ABCA9: variants seen among roughly 807,000 people sequenced by gnomAD.
ABCA9 encodes ATP-binding cassette sub-family A member 9.
A neutral mutation model predicts 205.3 loss-of-function variants in ABCA9; 183 were observed. The observed-to-expected ratio is 0.89, with a 90% confidence interval of 0.79 to 1.01. The LOEUF (loss-of-function observed/expected upper bound fraction) is 1.01, where lower values mean the gene tolerates loss of function less well. Among genes scored for constraint, ABCA9 ranks in the 50% least tolerant of loss-of-function variants. The probability of loss-of-function intolerance (pLI) is 0.00; values close to 1 mark genes in which losing one functional copy is unlikely to be tolerated. For missense variants in ABCA9, 1,805 were observed against 1,912.4 expected (o/e 0.94, Z 1.05); for synonymous variants, 651 against 683.3 (o/e 0.95, Z 0.74).
rs767283179 is a variant in ABCA9 at position 69,021,868 on chromosome 17, G to A, written c.2282-7C>T. Reference sequence around the variant, plus strand: ...TCAAGATCCCTGTAAAGTTCTAAAAGTGGATACAAAAACAGATTATAAGAA... The same window carrying A: ...TCAAGATCCCTGTAAAGTTCTAAAAATGGATACAAAAACAGATTATAAGAA... On this transcript the variant is annotated splice_region_variant and splice_polypyrimidine_tract_variant and intron_variant, in intron 17 of 38. Coordinates refer to ENST00000340001, the MANE Select transcript of ABCA9 (RefSeq NM_080283.4). The A allele has an allele frequency of 4.9e-5, 70 of 1,442,712 alleles. No homozygotes were observed. The highest frequency in any genetic ancestry group is 6.3e-5 in the Non-Finnish European group (67 of 1,065,960). The allele number at this position is 1,442,712 out of a possible 1,614,324, so 89.4% of individuals were successfully genotyped here. A position where few individuals can be genotyped will look rare whatever the true frequency, so the allele number is the denominator to read the frequency against.
In ABCA9 at chr17:69,045,260, T is replaced by A. The variant is rs201775674; in HGVS notation, c.381A>T (p.Arg127Ser). 1 of 1,613,234 alleles carries A rather than the reference T, an allele frequency of 6.2e-7. No homozygotes were observed. Among genetic ancestry groups the A allele is most frequent in the East Asian group, 2.2e-5 (1 of 44,812 alleles). ...LDLNYSIDAVRVIFTDTFSYH... is the reference protein window; with the variant it reads ...LDLNYSIDAVSVIFTDTFSYH... ...AGGAGAAGGTATCAGTAAAGATGACTCTCACTGCGTCTATTGAATAGTTCA... is the reference window on the plus strand; with the variant it reads ...AGGAGAAGGTATCAGTAAAGATGACACTCACTGCGTCTATTGAATAGTTCA... Residue 127 changes from arginine to serine, a missense_variant, in exon 4 of 39, where the codon AGA becomes AGT. Transcript: ENST00000340001.
rs1352763769 is a variant in ABCA9 at position 69,051,027 on chromosome 17, A to G, written c.96+4T>C. 6 of 1,613,324 alleles carry G rather than the reference A, an allele frequency of 3.7e-6. No homozygotes were observed. Among genetic ancestry groups the G allele is most frequent in the Non-Finnish European group, 5.1e-6 (6 of 1,179,558 alleles). ...TATGAGAACACATAGACTCTGAAGC[A>G]TACCAACAAGGTCTGTCTTTTCATT... is the stretch of plus-strand genomic sequence containing the variant. On this transcript the variant is annotated splice_donor_region_variant and intron_variant, in intron 2 of 38. Transcript: ENST00000340001.
At chr17:69,070,909 G>A in the ABCA9 span, among the ~76,000 whole-genome samples, 1 of 152,134 alleles carries the variant, frequency 6.6e-6, no homozygotes, top group African/African-American at 2.4e-5. Flanking sequence ...GTGACGGGAG[G>A]GGTGTCTGCC....
intron 28 of ABCA9, 129 bp from the exon 29 acceptor site, chr17:68,991,086 C>T (rs554843951): frequency 8.1e-6 from 8 of 989,592 alleles, no homozygotes; most frequent in Admixed American, 2.9e-5. Context: ...CTCTATTCTT[C>T]TACTTGCACC....
Position 69,020,478 on chromosome 17 carries a change from C to T in ABCA9, c.2510G>A (p.Ser837Asn). ...CTGCTGCCTCCAGAGCGCCACGCCACTGATTGTTTTCCTTGTTTCGTGGAA... is the reference window on the plus strand; with the variant it reads ...CTGCTGCCTCCAGAGCGCCACGCCATTGATTGTTTTCCTTGTTTCGTGGAA... The part of the protein sequence containing the change: ...SSFHETRKTI[S>N]GVALWRQQVC... The change falls in exon 19 of 39, where the codon AGT becomes AAT. Residue 837 changes from serine to asparagine, a missense_variant. Transcript: ENST00000340001. The T allele has an allele frequency of 6.2e-7, 1 of 1,614,102 alleles. No individual in the cohort carries two copies. Among genetic ancestry groups the T allele is most frequent in the South Asian group, 1.1e-5 (1 of 91,080 alleles).
chr17:69,051,892 C>A (rs1345875746), intron 1 of ABCA9: 1 of 152,044 alleles, frequency 6.6e-6, no homozygotes, highest in Non-Finnish European at 1.5e-5. Flanking sequence ...ATCCCTAATA[C>A]AATAAAAAGG....
chr17:69,012,091 C>A lies in ABCA9; in HGVS notation c.3040-8G>T. The A allele has an allele frequency of 1.3e-6, 2 of 1,587,976 alleles. No homozygotes were observed. The highest frequency in any genetic ancestry group is 1.7e-6 in the Non-Finnish European group (2 of 1,160,784). ...CTCATAATCCATATGCTCCTGAAAT[C>A]ATGTGGAACATGGTGAGCTGATGGC... On this transcript the variant is annotated splice_region_variant and splice_polypyrimidine_tract_variant and intron_variant, in intron 22 of 38. Transcript: ENST00000340001.
intron 8 of ABCA9, 51 bp from the exon 9 acceptor site, chr17:69,033,924 A>G (rs1567960768): frequency 7.1e-7 from 1 of 1,401,022 alleles, no homozygotes; most frequent in East Asian, 2.3e-5. Context: ...TGGCATTAAG[A>G]ATTATTATTG....
rs749298586 is a variant in ABCA9, at chr17:69,043,495, G to A, written c.794C>T (p.Ala265Val). The A allele has an allele frequency of 2.8e-5, 45 of 1,581,616 alleles. No homozygotes were observed. The highest frequency in any genetic ancestry group is 3.7e-5 in the Non-Finnish European group (43 of 1,163,154). ...TTGGAGTCATATGATTTACCAGAAT[G>A]CTGACTCTCGGAGTCCCATCATTGT... ...LMTMMGLRES[A>V]FWLSWGLMYA... The change falls in exon 6 of 39, where the codon GCA (alanine) becomes GTA (valine). Residue 265 changes from alanine (A) to valine (V), a missense_variant. Ala to Val is a moderately conservative substitution (Grantham distance 64, BLOSUM62 0). Transcript: ENST00000340001.
Position 69,027,463 on chromosome 17 carries a change from G to C in ABCA9, c.1792-14C>G. The C allele has an allele frequency of 8.8e-6, 14 of 1,597,352 alleles. No homozygotes were observed. Among genetic ancestry groups the C allele is most frequent in the Non-Finnish European group, 1.1e-5 (13 of 1,174,522 alleles). ...AACTCGTTGTACCTAATCAAATAAA[G>C]AATATTTAGTCCAAAACCCAGAAAG... is the stretch of plus-strand genomic sequence containing the variant. On this transcript the variant is annotated splice_polypyrimidine_tract_variant and intron_variant, in intron 13 of 38. Coordinates refer to ENST00000340001, the MANE Select transcript of ABCA9 (RefSeq NM_080283.4).
At position 68,975,304 on chromosome 17, in the gene ABCA9, C is replaced by A. The variant is rs1192992729; in HGVS notation, c.*611G>T. The A allele has an allele frequency of 6.6e-6, 1 of 152,330 alleles. No individual in the cohort carries two copies. Among genetic ancestry groups the A allele is most frequent in the Non-Finnish European group, 1.5e-5 (1 of 68,242 alleles). 9.4% of individuals were successfully genotyped at this position (152,330 alleles called of 1,614,324 possible). ...GTCTTTGCTATTGTAAACAGTGCTGCAATAAACATACGTGTGCATGTGTCT... is the reference window on the plus strand; with the variant it reads ...GTCTTTGCTATTGTAAACAGTGCTGAAATAAACATACGTGTGCATGTGTCT... On this transcript the variant is annotated 3_prime_UTR_variant, in exon 39 of 39. Transcript: ENST00000340001.
chr17:69,009,509 C>T (rs1053246734), intron 23 of ABCA9, among the ~76,000 whole-genome samples: 2 of 152,154 alleles, frequency 1.3e-5, no homozygotes, highest in Non-Finnish European at 2.9e-5. Flanking sequence ...GTAAGATACA[C>T]CTGGGCCCAG....
At chr17:69,014,354 C>T (rs967912948) in intron 22 of ABCA9, among the ~76,000 whole-genome samples, 3 of 152,120 alleles carry the variant, frequency 2.0e-5, no homozygotes, top group African/African-American at 7.2e-5. Flanking sequence ...AAAAGGTGCA[C>T]ATGAAACAAA....
At chr17:69,001,453 CCCAG>C (rs1188279081) in intron 25 of ABCA9, among the ~76,000 whole-genome samples, 7 of 147,430 alleles carry the variant, frequency 4.7e-5, no homozygotes, top group African/African-American at 1.7e-4. Flanking sequence ...AGCCTTGCAT[CCCAG>C]GGATGAAGCC....
rs570358442 is a variant in ABCA9 at position 69,005,505 on chromosome 17, AC to A, written c.3435+2253del. On this transcript the variant is annotated intron_variant, in intron 25 of 38. Transcript: ENST00000340001. ...GATGTTAACTCAGTCACTCATGTAT[AC>A]CTTTTTAGAGCCAATTATTAGCATT... 1.7e-3 allele frequency among the ~76,000 whole-genome samples: 255 copies of A among 152,204 alleles called. 2 individuals carry two copies. The highest frequency in any genetic ancestry group is 5.9e-3 in the African/African-American group (243 of 41,532).
chr17:69,015,218 T>C (rs931571992), intron 22 of ABCA9, among the ~76,000 whole-genome samples: 2 of 152,164 alleles, frequency 1.3e-5, no homozygotes, highest in African/African-American at 2.4e-5. Flanking sequence ...ACCCACCCTC[T>C]TCCATGCCCC....
rs761238988 is a variant in ABCA9, at chr17:69,033,856, A to G, written c.1146T>C (p.Tyr382=). ...CCAAGTGGGCATTAGAATTCACATC[A>G]TAGTCCAAATGTATAAGCTGAAAAA... ...VGMAQLIHLD[Y]DVNSNAHLDS... Residue 382 remains tyrosine (Y), a synonymous_variant, in exon 9 of 39, where the codon TAT becomes TAC. Coordinates refer to ENST00000340001, the MANE Select transcript of ABCA9 (RefSeq NM_080283.4). The G allele has an allele frequency of 2.5e-6, 4 of 1,601,794 alleles. No homozygotes were observed. The African/African-American group carries it at 4.0e-5, about 16-fold the overall frequency.
At chr17:68,991,297 C>T (rs2069448715) in intron 28 of ABCA9, among the ~76,000 whole-genome samples, 1 of 152,160 alleles carries the variant, frequency 6.6e-6, no homozygotes, top group South Asian at 2.1e-4. Context: ...ATAGTTTTGA[C>T]AACAGATATT....
chr17:68,998,508 G>A (rs73367905), intron 25 of ABCA9, among the ~76,000 whole-genome samples: 3,125 of 152,072 alleles, frequency 0.021, 115 homozygotes, highest in African/African-American at 0.071. Context: ...TTATTTGGAA[G>A]TTTCATATCA....
Sources: allele counts gnomAD v4.1 joint callset (sites outside exome capture counted in the v4.1 genomes callset), GRCh38; gene constraint gnomAD v4.1.1; transcripts MANE v1.5; gene names NCBI Gene and HGNC (gene_info 2026-07-23, HGNC 2026-07-21).